PLS3: variants seen among roughly 807,000 people sequenced by gnomAD.
PLS3 encodes plastin-3.
A neutral mutation model predicts 46.5 loss-of-function variants in PLS3; 11 were observed. The observed-to-expected ratio is 0.24, with a 90% CI of 0.15 to 0.39. PLS3 has a LOEUF of 0.39. Ranked by LOEUF, PLS3 falls within the 10% of genes least tolerant of loss-of-function variation. PLS3 has a pLI of 1.00. For synonymous variants in PLS3, 167 were observed against 162.2 expected (o/e 1.03, Z -0.22); for missense variants, 308 against 461.8 (o/e 0.67, Z 3.05).
At chrX:115,632,336 C>T (rs1369204822) in intron 5 of PLS3, among the ~76,000 whole-genome samples, 14 of 110,604 alleles carry the variant, frequency 1.3e-4, no homozygotes, top group African/African-American at 4.6e-4. Context: ...TGGCTCGCAC[C>T]TGTAATCCCA....
intron 1 of PLS3, among the ~76,000 whole-genome samples, chrX:115,594,659 CTCT>C (rs1451851104): frequency 9.5e-6 from 1 of 105,483 alleles, no homozygotes; most frequent in Non-Finnish European, 1.9e-5. Context: ...CTCTCTCTCT[CTCT>C]CTCTCTCACA....
chrX:115,634,855 A>G, intron 6 of PLS3, 26 bp from the exon 7 acceptor site: 1 of 1,189,405 alleles, frequency 8.4e-7, no homozygotes, highest in Non-Finnish European at 1.1e-6. Flanking sequence ...GTCAAGAAGC[A>G]AGTGTGTAAT....
intron 1 of PLS3, among the ~76,000 whole-genome samples, chrX:115,596,461 G>A (rs1265100865): frequency 9.0e-6 from 1 of 111,615 alleles, no homozygotes; most frequent in Non-Finnish European, 1.9e-5. Flanking sequence ...ATGTCATCAC[G>A]CTGAAAGCTG....
chrX:115,566,867 T>C (rs1342891141), intron 1 of PLS3, among the ~76,000 whole-genome samples: 5 of 109,162 alleles, frequency 4.6e-5, no homozygotes, highest in African/African-American at 1.0e-4. Context: ...TTAGTAGAAA[T>C]GGGGTTTCAC....
intron 1 of PLS3, among the ~76,000 whole-genome samples, chrX:115,592,978 T>C (rs1353111169): frequency 8.9e-6 from 1 of 111,760 alleles, no homozygotes; most frequent in Non-Finnish European, 1.9e-5. Context: ...AGTTCCTGTG[T>C]GCTATGCCAG....
chrX:115,636,707 GA>G (rs1456380054), intron 7 of PLS3, 128 bp from the exon 8 acceptor site: 20 of 478,265 alleles, frequency 4.2e-5, no homozygotes, highest in Non-Finnish European at 6.2e-5. Context: ...TGAGTATCTT[GA>G]AACTAGGAAC....
At position 115,610,321 on chromosome X, in the gene PLS3, T is replaced by C; in HGVS notation, c.71T>C (p.Val24Ala). 1 of 1,090,837 alleles carries C rather than the reference T, an allele frequency of 9.2e-7. No homozygotes were observed. The highest frequency in any genetic ancestry group is 1.3e-6 in the Non-Finnish European group (1 of 797,560). The allele number at this position is 1,090,837 out of a possible 1,213,427, so 89.9% of individuals were successfully genotyped here. Residue 24 changes from valine (V) to alanine (A), a missense_variant and splice_region_variant, in exon 2 of 16, where the codon GTT becomes GCT. Transcript: ENST00000355899. ...GAACTCAAAGAGGCCTTTGCAAAAGTTGGTGAGTATTTTTTGTAGTAAAAC... is the reference window on the plus strand; with the variant it reads ...GAACTCAAAGAGGCCTTTGCAAAAGCTGGTGAGTATTTTTTGTAGTAAAAC... ...LDELKEAFAK[V>A]DLNSNGFICD...
rs112252050 is a variant in PLS3 at position 115,602,719 on chromosome X, G to A, written c.-8-7524G>A. Among the ~76,000 whole-genome samples the A allele has an allele frequency of 7.7e-3, 857 of 111,042 alleles. 3 individuals are homozygous for A. The highest frequency in any genetic ancestry group is 0.026 in the African/African-American group (791 of 30,523). On this transcript the variant is annotated intron_variant, in intron 1 of 15. Coordinates refer to ENST00000355899, the MANE Select transcript of PLS3 (RefSeq NM_005032.7). ...TTTGTCCCCTCTTTGTTGCTTTCTT[G>A]TTCATTTTAGGACCTCAAGTATGTG...
intron 3 of PLS3, among the ~76,000 whole-genome samples, chrX:115,626,687 G>T (rs1462932997): frequency 9.0e-6 from 1 of 110,796 alleles, no homozygotes; most frequent in Non-Finnish European, 1.9e-5. Flanking sequence ...GAAAATGAAG[G>T]TCATGTAACT....
In PLS3 at chrX:115,622,282, T is replaced by C. The variant is rs782316690; in HGVS notation, c.110T>C (p.Leu37Pro). 8.4e-7 allele frequency: 1 copy of C among 1,196,729 alleles called. No homozygotes were observed. Among genetic ancestry groups the C allele is most frequent in the Admixed American group, 2.2e-5 (1 of 45,373 alleles). ...AACGGATTCATTTGTGACTATGAAC[T>C]TCATGAGCTCTTCAAGGAAGCTAAT... is the stretch of plus-strand genomic sequence containing the variant. ...NSNGFICDYELHELFKEANMP... is the reference protein window; with the variant it reads ...NSNGFICDYEPHELFKEANMP... Residue 37 changes from leucine (L) to proline (P), a missense_variant, in exon 3 of 16, where the codon CTT becomes CCT. Physicochemically the swap from Leu to Pro is moderately conservative, Grantham distance 98. This residue lies in a region of PLS3 where 37 missense variants were observed against 26.1 expected (regional missense o/e 1.42). Transcript: ENST00000355899.
At chrX:115,611,120 C>T (rs2074544247) in intron 2 of PLS3, among the ~76,000 whole-genome samples, 1 of 112,062 alleles carries the variant, frequency 8.9e-6, no homozygotes, top group Non-Finnish European at 1.9e-5. Flanking sequence ...TTATGTAAAT[C>T]AGAATTTGCC....
intron 2 of PLS3, among the ~76,000 whole-genome samples, chrX:115,618,455 G>A (rs1174552421): frequency 9.0e-6 from 1 of 111,093 alleles, no homozygotes; most frequent in African/African-American, 3.3e-5. Context: ...GCATAGTGGT[G>A]AGAGCCTGTA....
chrX:115,612,747 C>G (rs2074559551), intron 2 of PLS3, among the ~76,000 whole-genome samples: 1 of 111,582 alleles, frequency 9.0e-6, no homozygotes, highest in South Asian at 3.7e-4. Flanking sequence ...CTTTGAAACT[C>G]TCTTTACTAG....
chrX:115,633,668 G>A (rs1041440659), intron 5 of PLS3, among the ~76,000 whole-genome samples: 4 of 108,805 alleles, frequency 3.7e-5, no homozygotes, highest in Admixed American at 9.9e-5. Context: ...TTTTTTTATC[G>A]TTTTTGTAGA....
At chrX:115,625,364 T>C (rs1020744451) in intron 3 of PLS3, among the ~76,000 whole-genome samples, 6 of 110,662 alleles carry the variant, frequency 5.4e-5, no homozygotes, top group Non-Finnish European at 1.1e-4. Flanking sequence ...CAAAATTATA[T>C]GTATGTAAAC....
At chrX:115,579,014 C>G (rs782399463) in intron 1 of PLS3, among the ~76,000 whole-genome samples, 1 of 111,195 alleles carries the variant, frequency 9.0e-6, no homozygotes, top group Admixed American at 9.6e-5. Context: ...GTTTCATTAC[C>G]AGTAGAATCC....
chrX:115,615,977 G>A (rs1434857681), intron 2 of PLS3, among the ~76,000 whole-genome samples: 2 of 112,088 alleles, frequency 1.8e-5, no homozygotes, highest in Non-Finnish European at 3.8e-5. Flanking sequence ...TGGCAAGTGA[G>A]CCAAAAAGGT....
chrX:115,612,891 C>T (rs2074560775), intron 2 of PLS3, among the ~76,000 whole-genome samples: 1 of 111,772 alleles, frequency 8.9e-6, no homozygotes, highest in Non-Finnish European at 1.9e-5. Flanking sequence ...GTAGCAGAAA[C>T]GTTAGTTATC....
At chrX:115,568,875 A>C (rs781951675) in intron 1 of PLS3, among the ~76,000 whole-genome samples, 149 of 111,407 alleles carry the variant, frequency 1.3e-3, no homozygotes, top group Non-Finnish European at 2.2e-3. Context: ...CTCTACTAAA[A>C]ATACAAAAAA....
Sources: gnomAD v4.1 joint callset for allele counts (sites outside exome capture counted in the v4.1 genomes callset) on GRCh38, gnomAD v4.1.1 for gene constraint, gnomAD v4.1.1 regional missense constraint, MANE v1.5 for transcripts, NCBI Gene and HGNC (gene_info 2026-07-23, HGNC 2026-07-21) for gene names.